AGBL1: variants seen among roughly 807,000 people sequenced by gnomAD.
AGBL1 encodes cytosolic carboxypeptidase 4.
AGBL1 carries 130 observed loss-of-function variants against 118.9 expected under a neutral mutation model. The ratio of observed to expected loss-of-function variants is 1.09; its 90% CI spans 0.95 to 1.26. The LOEUF (loss-of-function observed/expected upper bound fraction) is 1.26. AGBL1 is among the 50% of genes most tolerant of loss of function. The pLI, the probability that AGBL1 is intolerant of heterozygous loss-of-function variation, is 0.00. For missense variants in AGBL1, 1,584 were observed against 1,298.1 expected (o/e 1.22, Z -3.38); for synonymous variants, 555 against 478.9 (o/e 1.16, Z -2.08).
At chr15:86,262,995 A>T (rs867526840) in intron 10 of AGBL1, 101 bp downstream of exon 10, 1 of 806,880 alleles carries the variant, frequency 1.2e-6, no homozygotes, top group Non-Finnish European at 2.1e-6. Context: ...AGCATTGCTC[A>T]TCATTAGCCA....
intron 21 of AGBL1, among the ~76,000 whole-genome samples, chr15:86,624,701 G>C (rs1287474782): frequency 6.6e-6 from 1 of 152,158 alleles, no homozygotes; most frequent in Non-Finnish European, 1.5e-5. Context: ...CAAATGCCCA[G>C]TGCACTCTTT....
Position 86,397,559 on chromosome 15 carries a change from C to G in AGBL1, c.2555+13C>G. The stretch of plus-strand genomic sequence containing the variant: ...TCATCAACGGCAAGTATGTCAGGCA[C>G]CTGGCTCAGCCAAACCCACAATTAT... On this transcript the variant is annotated intron_variant, in intron 18 of 22. Coordinates refer to ENST00000614907, the MANE Select transcript of AGBL1 (RefSeq NM_001386094.1). The G allele has an allele frequency of 6.3e-7, 1 of 1,591,222 alleles. No homozygotes were observed. The highest frequency in any genetic ancestry group is 1.3e-5 in the African/African-American group (1 of 74,650).
intron 22 of AGBL1, among the ~76,000 whole-genome samples, chr15:86,850,351 T>C (rs1349038026): frequency 1.3e-5 from 2 of 152,208 alleles, no homozygotes; most frequent in African/African-American, 4.8e-5. Flanking sequence ...CAATATGCAT[T>C]GCTTTATTTG....
chr15:86,434,338 C>T (rs1596110204), intron 18 of AGBL1, among the ~76,000 whole-genome samples: 1 of 152,276 alleles, frequency 6.6e-6, no homozygotes, highest in Non-Finnish European at 1.5e-5. Context: ...TAATGTCTGA[C>T]CTTGCTCTTC....
At chr15:86,864,881 A>C (rs2079604081) in intron 22 of AGBL1, among the ~76,000 whole-genome samples, 1 of 152,176 alleles carries the variant, frequency 6.6e-6, no homozygotes, top group Non-Finnish European at 1.5e-5. Context: ...TATTGGTTGG[A>C]ATATGATGTA....
At chr15:86,830,226 A>G (rs1205096781) in intron 22 of AGBL1, among the ~76,000 whole-genome samples, 1 of 152,138 alleles carries the variant, frequency 6.6e-6, no homozygotes, top group Non-Finnish European at 1.5e-5. Context: ...TACCCATGCA[A>G]TCACCATCCA....
At chr15:86,871,847 A>G (rs1243376139) in intron 22 of AGBL1, among the ~76,000 whole-genome samples, 2 of 152,154 alleles carry the variant, frequency 1.3e-5, no homozygotes, top group African/African-American at 4.8e-5. Flanking sequence ...TTTCTACATC[A>G]TCCCTCAAAT....
chr15:86,216,519 G>A (rs911170818), intron 5 of AGBL1, among the ~76,000 whole-genome samples: 13 of 152,072 alleles, frequency 8.5e-5, no homozygotes, highest in African/African-American at 2.4e-4. Flanking sequence ...GAGATGATCA[G>A]GTATTTTCAA....
At chr15:86,160,843 T>A (rs932343377) in intron 5 of AGBL1, among the ~76,000 whole-genome samples, 22 of 152,196 alleles carry the variant, frequency 1.4e-4, no homozygotes, top group African/African-American at 5.1e-4. Flanking sequence ...CCTAGGAAGC[T>A]CTTCCCACAT....
intron 18 of AGBL1, among the ~76,000 whole-genome samples, chr15:86,409,229 C>A (rs907984555): frequency 6.6e-6 from 1 of 152,122 alleles, no homozygotes; most frequent in African/African-American, 2.4e-5. Context: ...AAACCTCTGT[C>A]CATAAACCAC....
At position 86,259,907 on chromosome 15, in the gene AGBL1, G is replaced by A. The variant is rs182356254; in HGVS notation, c.969+1876G>A. 7.9e-5 allele frequency among the ~76,000 whole-genome samples: 12 copies of A among 152,380 alleles called. No homozygotes were observed. The East Asian group carries it at 2.3e-3, about 29-fold the overall frequency. ...GTGCCTGACTTCCCACAGCATGGGA[G>A]GGAGGGTGTTCAGATAGTTCCCTTG... On this transcript the variant is annotated intron_variant, in intron 9 of 22. Transcript: ENST00000614907.
chr15:86,977,789 T>G lies in AGBL1; in HGVS notation c.3222-10198T>G, dbSNP rs928606978. Among the ~76,000 whole-genome samples the G allele has an allele frequency of 3.9e-5, 6 of 152,068 alleles. 1 individual carries two copies. In the South Asian group the frequency reaches 1.2e-3, roughly 31 times the overall value. On this transcript the variant is annotated intron_variant, in intron 23 of 24. Coordinates refer to the AGBL1 transcript ENST00000441037. ...TGATTATTTCTGATGTTATTTTCTC[T>G]TCTTATTGCTTACTTAAAAACTTTT... is the stretch of plus-strand genomic sequence containing the variant.
At position 86,267,043 on chromosome 15, in the gene AGBL1, C is replaced by T. The variant is rs894968008; in HGVS notation, c.1805C>T (p.Ser602Leu). The T allele has an allele frequency of 1.9e-6, 3 of 1,569,416 alleles. No homozygotes were observed. The highest frequency in any genetic ancestry group is 1.2e-5 in the South Asian group (1 of 85,118). ...TTACGGTTCTTCTCCAAATTTGAGT[C>T]AGGAAATCTTCGCAAAGCCATCCAA... ...NCLRFFSKFE[S>L]GNLRKAIQVR... The change falls in exon 13 of 23, where the codon TCA (serine) becomes TTA (leucine). Residue 602 changes from serine (S) to leucine (L), a missense_variant. Transcript: ENST00000614907.
intron 22 of AGBL1, among the ~76,000 whole-genome samples, chr15:86,710,118 G>A (rs1279363553): frequency 1.3e-5 from 2 of 152,160 alleles, no homozygotes; most frequent in Non-Finnish European, 2.9e-5. Flanking sequence ...AGGATTGTAT[G>A]TGATCACTTT....
At chr15:86,428,054 G>T (rs1282483763) in intron 18 of AGBL1, among the ~76,000 whole-genome samples, 2 of 152,136 alleles carry the variant, frequency 1.3e-5, no homozygotes, top group Admixed American at 6.5e-5. Context: ...AGGGTATAAT[G>T]GGTTTAGCCC....
intron 23 of AGBL1, among the ~76,000 whole-genome samples, chr15:86,958,882 TA>T (rs1252549056): frequency 6.6e-6 from 1 of 152,146 alleles, no homozygotes. Context: ...AAAATATCAA[TA>T]TGAATAAGCC....
chr15:86,424,485 C>T (rs1483205609), intron 18 of AGBL1, among the ~76,000 whole-genome samples: 2 of 152,168 alleles, frequency 1.3e-5, no homozygotes, highest in Admixed American at 1.3e-4. Flanking sequence ...TGGGCAAAGA[C>T]TTTGTGACTA....
At position 86,307,886 on chromosome 15, in the gene AGBL1, T is replaced by A. The variant is rs1046419465; in HGVS notation, c.2374+12478T>A. Among the ~76,000 whole-genome samples, 23 of 152,294 alleles carry A rather than the reference T, an allele frequency of 1.5e-4. 1 individual carries two copies. The South Asian group carries it at 4.8e-3, about 32-fold the overall frequency. Reference sequence around the variant, plus strand: ...AATCCAATTTAAGAAATATGACATTTACCTATATTTTAGTCCCCATAACAA... The same window carrying A: ...AATCCAATTTAAGAAATATGACATTAACCTATATTTTAGTCCCCATAACAA... On this transcript the variant is annotated intron_variant, in intron 17 of 22. Transcript: ENST00000614907.
chr15:86,765,437 T>C (rs1326022196), intron 22 of AGBL1, among the ~76,000 whole-genome samples: 2 of 151,754 alleles, frequency 1.3e-5, no homozygotes, highest in Non-Finnish European at 2.9e-5. Context: ...AGACATTTAG[T>C]GTATTATAGC....
Sources: allele counts gnomAD v4.1 joint callset (sites outside exome capture counted in the v4.1 genomes callset), GRCh38; gene constraint gnomAD v4.1.1; transcripts MANE v1.5; gene names NCBI Gene and HGNC (gene_info 2026-07-23, HGNC 2026-07-21).